The following GRM7 variants were observed in gnomAD, a reference collection of about 807,000 sequenced individuals.
The protein encoded by GRM7 is glutamate metabotropic receptor 7.
Under a neutral mutation model 84.5 loss-of-function variants are expected in GRM7, and 35 were observed. The observed-to-expected ratio is 0.41, with a 90% CI of 0.32 to 0.55. The LOEUF (loss-of-function observed/expected upper bound fraction) is 0.55, where lower values mean the gene tolerates loss of function less well. Ranked by LOEUF, GRM7 falls within the 20% of genes least tolerant of loss-of-function variation. The pLI is 0.19. For synonymous variants in GRM7, 487 were observed against 455.1 expected (o/e 1.07, Z -0.89); for missense variants, 1,003 against 1,194.6 (o/e 0.84, Z 2.36).
intron 1 of GRM7, among the ~76,000 whole-genome samples, chr3:6,864,078 T>A (rs940322855): frequency 2.6e-5 from 4 of 152,226 alleles, no homozygotes; most frequent in African/African-American, 9.6e-5. Flanking sequence ...TAACCCAATG[T>A]TAGCGTTAGC....
intron 7 of GRM7, among the ~76,000 whole-genome samples, chr3:7,534,959 A>G (rs1343664168): frequency 2.6e-5 from 4 of 152,066 alleles, no homozygotes; most frequent in Admixed American, 2.6e-4. Flanking sequence ...CATGCGAGCT[A>G]TTGCCCTCTT....
intron 9 of GRM7, chr3:7,681,869 C>T (rs926522377): frequency 1.3e-5 from 2 of 152,154 alleles, no homozygotes; most frequent in Non-Finnish European, 2.9e-5. Context: ...TCACAAAATA[C>T]TATATTGAGA....
intron 8 of GRM7, among the ~76,000 whole-genome samples, chr3:7,621,473 C>T (rs1697349052): frequency 6.6e-6 from 1 of 152,100 alleles, no homozygotes; most frequent in South Asian, 2.1e-4. Flanking sequence ...TTAGCATCTA[C>T]CGGAATGCAC....
At chr3:7,325,592 G>A in intron 4 of GRM7, among the ~76,000 whole-genome samples, 1 of 152,298 alleles carries the variant, frequency 6.6e-6, no homozygotes, top group Non-Finnish European at 1.5e-5. Context: ...GCAACTGAGG[G>A]ATAGATATCC....
intron 7 of GRM7, among the ~76,000 whole-genome samples, chr3:7,547,355 C>T (rs554057126): frequency 1.6e-4 from 25 of 151,756 alleles, no homozygotes; most frequent in Middle Eastern, 3.4e-3. Flanking sequence ...TACAGGCGCC[C>T]GCCGCCACGC....
chr3:7,413,221 C>T (rs1456335017), intron 4 of GRM7, among the ~76,000 whole-genome samples: 1 of 152,134 alleles, frequency 6.6e-6, no homozygotes, highest in Non-Finnish European at 1.5e-5. Flanking sequence ...GTATCAGAAG[C>T]TCCATAGCCA....
intron 9 of GRM7, among the ~76,000 whole-genome samples, chr3:7,690,506 G>C (rs991176674): frequency 5.3e-5 from 8 of 152,162 alleles, no homozygotes; most frequent in Non-Finnish European, 1.0e-4. Context: ...AAAATACAAT[G>C]TATAAACGTG....
At chr3:6,896,028 C>G (rs1207071032) in intron 1 of GRM7, among the ~76,000 whole-genome samples, 3 of 152,060 alleles carry the variant, frequency 2.0e-5, no homozygotes, top group Non-Finnish European at 4.4e-5. Context: ...AAGCATATTT[C>G]TAATCAATGC....
chr3:7,094,784 AT>A (rs1427068408), intron 1 of GRM7, among the ~76,000 whole-genome samples: 1 of 152,162 alleles, frequency 6.6e-6, no homozygotes, highest in Non-Finnish European at 1.5e-5. Context: ...GTGTTCAATA[AT>A]TTTAGAAATT....
chr3:6,974,826 G>A (rs938874011), intron 1 of GRM7, among the ~76,000 whole-genome samples: 1 of 152,192 alleles, frequency 6.6e-6, no homozygotes, highest in Non-Finnish European at 1.5e-5. Context: ...AAAAATTTGG[G>A]AGTTGTGTAG....
At chr3:7,330,200 T>G (rs9879127) in intron 4 of GRM7, among the ~76,000 whole-genome samples, 71,433 of 151,904 alleles carry the variant, frequency 0.47, 17,155 homozygotes, top group African/African-American at 0.56. Flanking sequence ...TCCTGCTGTT[T>G]TTAAGGCATC....
At chr3:7,348,241 G>A (rs1692978544) in intron 4 of GRM7, among the ~76,000 whole-genome samples, 5 of 152,026 alleles carry the variant, frequency 3.3e-5, no homozygotes, top group Admixed American at 3.3e-4. Context: ...TTTGTATCTT[G>A]ACACTTTGAT....
At chr3:7,656,578 A>AC (rs1289514654) in intron 8 of GRM7, among the ~76,000 whole-genome samples, 2 of 100,736 alleles carry the variant, frequency 2.0e-5, no homozygotes, top group East Asian at 5.1e-4. Context: ...CACACACACA[A>AC]AGTGTGCTGT....
At chr3:7,237,263 G>T (rs1368228237) in intron 2 of GRM7, among the ~76,000 whole-genome samples, 1 of 152,140 alleles carries the variant, frequency 6.6e-6, no homozygotes, top group South Asian at 2.1e-4. Flanking sequence ...TTCAGCAGTT[G>T]CCTTGAGAAG....
intron 4 of GRM7, among the ~76,000 whole-genome samples, chr3:7,379,093 G>C (rs1254549542): frequency 6.6e-6 from 1 of 152,084 alleles, no homozygotes; most frequent in African/African-American, 2.4e-5. Context: ...TTTTTTTGAA[G>C]ATGGAGTCTC....
chr3:6,967,610 A>C (rs2125089551), intron 1 of GRM7, among the ~76,000 whole-genome samples: 1 of 152,360 alleles, frequency 6.6e-6, no homozygotes, highest in South Asian at 2.1e-4. Context: ...ATATATTTTC[A>C]GTCTTTATGA....
intron 8 of GRM7, among the ~76,000 whole-genome samples, chr3:7,679,160 A>G (rs1170719331): frequency 6.6e-6 from 1 of 152,148 alleles, no homozygotes; most frequent in Non-Finnish European, 1.5e-5. Context: ...GCATGCTAAG[A>G]AGAAAAGGAG....
At chr3:7,493,861 T>C (rs1699609306) in intron 7 of GRM7, among the ~76,000 whole-genome samples, 1 of 152,108 alleles carries the variant, frequency 6.6e-6, no homozygotes, top group Non-Finnish European at 1.5e-5. Context: ...TTGTTCTGGG[T>C]ATTAAAATAT....
chr3:7,708,996 T>C (rs1194665826), intron 9 of GRM7, among the ~76,000 whole-genome samples: 1 of 152,018 alleles, frequency 6.6e-6, no homozygotes, highest in Non-Finnish European at 1.5e-5. Flanking sequence ...TCACCAGGTC[T>C]TGTTGCTTTT....
Sources: gnomAD v4.1 joint callset for allele counts (sites outside exome capture counted in the v4.1 genomes callset) on GRCh38, gnomAD v4.1.1 for gene constraint, MANE v1.5 for transcripts, NCBI Gene and HGNC (gene_info 2026-07-23, HGNC 2026-07-21) for gene names.